Variants in NCKIPSD observed in about 807,000 individuals in gnomAD.
The protein encoded by NCKIPSD is NCK-interacting protein with SH3 domain.
NCKIPSD carries 48 observed loss-of-function variants against 73.4 expected under a neutral mutation model. The ratio of observed to expected loss-of-function variants is 0.65; its 90% CI spans 0.52 to 0.83. The LOEUF is 0.83. Among genes scored for constraint, NCKIPSD ranks in the 40% least tolerant of loss-of-function variants. NCKIPSD has a pLI of 0.00. For missense variants in NCKIPSD, 884 were observed against 970.2 expected, an observed-to-expected ratio of 0.91 and a Z score of 1.18; for synonymous variants, 422 against 403.6, an observed-to-expected ratio of 1.05 and a Z score of -0.54.
rs774990374 is a variant in NCKIPSD at position 48,679,083 on chromosome 3, C to G, written c.1671G>C (p.Leu557=). Residue 557 remains leucine (L), a synonymous_variant, in exon 10 of 13, where the codon CTG becomes CTC. Transcript: ENST00000294129. The part of the protein sequence containing the change: ...TEQLPDLCVN[L]LLALNLHLPA... ...GCAGGTGCAGGTTGAGAGCCAGAAG[C>G]AGGTTCACGCAGAGGTCCGGCAGCT... 6.2e-7 allele frequency: 1 copy of G among 1,614,140 alleles called. No individual in the cohort carries two copies.
chr3:48,682,160 G>A lies in NCKIPSD; in HGVS notation c.487-4C>T, dbSNP rs1364774847. ...TCTGGGAAGATGGAAGTGGGATCTGGAAGATGGAAGTAGGATCTTGGAGGA... is the reference window on the plus strand; with the variant it reads ...TCTGGGAAGATGGAAGTGGGATCTGAAAGATGGAAGTAGGATCTTGGAGGA... On this transcript the variant is annotated splice_polypyrimidine_tract_variant and splice_region_variant and intron_variant, in intron 3 of 12. Transcript: ENST00000294129. 1.9e-6 allele frequency: 3 copies of A among 1,595,628 alleles called. No homozygotes were observed. The highest frequency in any genetic ancestry group is 2.5e-6 in the Non-Finnish European group (3 of 1,177,384).
chr3:48,675,776 C>T (rs1387388415), intron 12 of NCKIPSD, among the ~76,000 whole-genome samples: 3 of 151,806 alleles, frequency 2.0e-5, no homozygotes, highest in Non-Finnish European at 4.4e-5. Flanking sequence ...AAACTCCAGA[C>T]TTCAAGTGAT....
At position 48,680,097 on chromosome 3, in the gene NCKIPSD, C is replaced by G. The variant is rs1341432610; in HGVS notation, c.1225G>C (p.Val409Leu). The stretch of plus-strand genomic sequence containing the variant: ...AGCTCCTCTAGGTAGCAGCGGATGA[C>G]ACCCTCATCCTCATATAGTGCCCAA... ...RSWALYEDEGVIRCYLEELLH... is the reference protein window; with the variant it reads ...RSWALYEDEGLIRCYLEELLH... The change falls in exon 6 of 13, where the codon GTC (valine) becomes CTC (leucine). Residue 409 changes from valine to leucine, a missense_variant. Coordinates refer to ENST00000294129, the MANE Select transcript of NCKIPSD (RefSeq NM_016453.4). 1 of 1,613,852 alleles carries G rather than the reference C, an allele frequency of 6.2e-7. No homozygotes were observed. The highest frequency in any genetic ancestry group is 8.5e-7 in the Non-Finnish European group (1 of 1,179,816).
intron 12 of NCKIPSD, among the ~76,000 whole-genome samples, chr3:48,678,132 C>T (rs749195258): frequency 7.2e-5 from 11 of 152,294 alleles, no homozygotes; most frequent in Non-Finnish European, 1.2e-4. Flanking sequence ...GGCCTCTTCT[C>T]GCCACTGCCA....
intron 12 of NCKIPSD, among the ~76,000 whole-genome samples, chr3:48,676,902 G>C (rs112928349): frequency 0.15 from 22,351 of 150,986 alleles, 1,938 homozygotes; most frequent in African/African-American, 0.25. Flanking sequence ...TCCCAAGTAG[G>C]TGGGATTACA....
chr3:48,675,509 C>CATAT (rs35007879), intron 12 of NCKIPSD, among the ~76,000 whole-genome samples: 1,702 of 110,378 alleles, frequency 0.015, 13 homozygotes, highest in Middle Eastern at 0.032. Context: ...ATATATATAT[C>CATAT]ATATATATAT....
At chr3:48,675,504 TATATCATATATATATATATATATG>T (rs1339461680) in intron 12 of NCKIPSD, among the ~76,000 whole-genome samples, 1 of 119,652 alleles carries the variant, frequency 8.4e-6, no homozygotes, top group Non-Finnish European at 1.6e-5. Context: ...TCTATATATA[TATATCATATATATATATATATATG>T]ATATATATAT....
In NCKIPSD at chr3:48,682,908, G is replaced by A; in HGVS notation, c.276C>T (p.Val92=). 6.5e-7 allele frequency: 1 copy of A among 1,549,832 alleles called. No individual in the cohort carries two copies. Among genetic ancestry groups the A allele is most frequent in the Non-Finnish European group, 8.7e-7 (1 of 1,146,460 alleles). Residue 92 remains valine, a synonymous_variant, in exon 2 of 13, where the codon GTC becomes GTT. Transcript: ENST00000294129. The part of the protein sequence containing the change: ...GGKYSLEQRG[V]LQKLIHHRKE... ...TCACTCCCCTCAACACTCACTGGAG[G>A]ACTCCACGCTGTTCCAGGCTGTACT...
intron 12 of NCKIPSD, among the ~76,000 whole-genome samples, chr3:48,677,469 A>G (rs901993072): frequency 6.6e-6 from 1 of 151,784 alleles, no homozygotes; most frequent in Admixed American, 6.6e-5. Flanking sequence ...CCTCCCTTCC[A>G]TTTTTCTCTT....
intron 2 of NCKIPSD, 161 bp downstream of exon 2, chr3:48,682,742 T>C: frequency 8.3e-7 from 1 of 1,202,716 alleles, no homozygotes; most frequent in South Asian, 1.5e-5. Flanking sequence ...TGGTGCTCAC[T>C]GAAGGACCCG....
intron 12 of NCKIPSD, among the ~76,000 whole-genome samples, chr3:48,675,525 TATG>T (rs2077239335): frequency 2.7e-5 from 2 of 74,430 alleles, no homozygotes; most frequent in Non-Finnish European, 5.0e-5. Flanking sequence ...TATATATATA[TATG>T]ATATATATAT....
At chr3:48,681,217 G>T (rs1484256655) in intron 5 of NCKIPSD, 70 bp downstream of exon 5, 1 of 1,506,660 alleles carries the variant, frequency 6.6e-7, no homozygotes, top group Admixed American at 2.2e-5. Flanking sequence ...TAATGTACAG[G>T]CTGGACAAGT....
rs1397227401 is a variant in NCKIPSD, at chr3:48,680,216, G to A, written c.1106C>T (p.Ala369Val). 1.9e-6 allele frequency: 3 copies of A among 1,611,308 alleles called. No homozygotes were observed. The highest frequency in any genetic ancestry group is 2.7e-5 in the African/African-American group (2 of 74,898). Residue 369 changes from alanine to valine, a missense_variant, in exon 6 of 13, where the codon GCC becomes GTC. Physicochemically the swap from Ala to Val is moderately conservative, Grantham distance 64. Transcript: ENST00000294129. ...SLVEGKDLSM[A>V]LPSGQVCHDQ... is the part of the protein sequence containing the mutation. Reference sequence around the variant, plus strand: ...GTGGCAGACCTGCCCTGAGGGCAGGGCCATGCTGAGGTCCTAGAGGGAGAG... The same window carrying A: ...GTGGCAGACCTGCCCTGAGGGCAGGACCATGCTGAGGTCCTAGAGGGAGAG...
intron 12 of NCKIPSD, 91 bp downstream of exon 12, chr3:48,678,473 G>GC: frequency 6.9e-7 from 1 of 1,444,250 alleles, no homozygotes; most frequent in East Asian, 2.5e-5. Context: ...CAGTGGCCTT[G>GC]CCCCCTCATC....
chr3:48,683,019 G>C lies in NCKIPSD; in HGVS notation c.172-7C>G. On this transcript the variant is annotated splice_polypyrimidine_tract_variant and splice_region_variant and intron_variant, in intron 1 of 12. Transcript: ENST00000294129. Reference sequence around the variant, plus strand: ...GGACATCCTGCTCCAGGCCCTGGGGGGGGCAGGGGACAGCAGTTAGACCTG... The same window carrying C: ...GGACATCCTGCTCCAGGCCCTGGGGCGGGCAGGGGACAGCAGTTAGACCTG... 2 of 1,549,652 alleles carry C rather than the reference G, an allele frequency of 1.3e-6. No individual in the cohort carries two copies. Among genetic ancestry groups the C allele is most frequent in the South Asian group, 1.2e-5 (1 of 84,038 alleles).
chr3:48,682,048 T>A lies in NCKIPSD; in HGVS notation c.595A>T (p.Ser199Cys), dbSNP rs767402172. Residue 199 changes from serine to cysteine, a missense_variant, in exon 4 of 13, where the codon AGT becomes TGT. Coordinates refer to ENST00000294129, the MANE Select transcript of NCKIPSD (RefSeq NM_016453.4). ...TCCCCTAACCCTGCCTTCTTACCAC[T>A]CCCAGAGGCCATCAGGGCCTCGCGG... ...RDREALMASG[S>C]GGHNTMPSGG... 6.2e-7 allele frequency: 1 copy of A among 1,600,514 alleles called. No individual in the cohort carries two copies.
intron 4 of NCKIPSD, 130 bp downstream of exon 4, chr3:48,681,915 C>T (rs2077360205): frequency 3.4e-6 from 5 of 1,461,456 alleles, no homozygotes; most frequent in Non-Finnish European, 3.7e-6. Context: ...GCCCAGAGCC[C>T]CTAATTGCCC....
At position 48,682,975 on chromosome 3, in the gene NCKIPSD, G is replaced by A; in HGVS notation, c.209C>T (p.Ala70Val). Residue 70 changes from alanine to valine, a missense_variant, in exon 2 of 13, where the codon GCC becomes GTC. By Grantham distance (64) the Ala-to-Val change is moderately conservative. Coordinates refer to ENST00000294129, the MANE Select transcript of NCKIPSD (RefSeq NM_016453.4). The part of the protein sequence containing the change: ...EQDVLQAIDR[A>V]IEAVHNTAMR... Reference sequence around the variant, plus strand: ...GGCTGTGTTGTGTACAGCCTCGATGGCCCGGTCAATGGCCTGGAGGACATC... The same window carrying A: ...GGCTGTGTTGTGTACAGCCTCGATGACCCGGTCAATGGCCTGGAGGACATC... The A allele has an allele frequency of 6.4e-7, 1 of 1,551,574 alleles. No homozygotes were observed.
At position 48,679,362 on chromosome 3, in the gene NCKIPSD, T is replaced by A; in HGVS notation, c.1570+15A>T. On this transcript the variant is annotated intron_variant, in intron 9 of 12. Coordinates refer to ENST00000294129, the MANE Select transcript of NCKIPSD (RefSeq NM_016453.4). ...TTAGGACCTGTGATCAGCTGGTCGG[T>A]TACTGCATTCTTACCATAGTGTGCA... 1 of 1,614,026 alleles carries A rather than the reference T, an allele frequency of 6.2e-7. No individual in the cohort carries two copies. The highest frequency in any genetic ancestry group is 2.2e-5 in the East Asian group (1 of 44,878).
Sources: allele counts gnomAD v4.1 joint callset (sites outside exome capture counted in the v4.1 genomes callset), GRCh38; gene constraint gnomAD v4.1.1; transcripts MANE v1.5; gene names NCBI Gene and HGNC (gene_info 2026-07-23, HGNC 2026-07-21).